Variants in PABIR3 observed in about 807,000 individuals in gnomAD.
The protein encoded by PABIR3 is PABIR family member 1.
In PABIR3, 20 loss-of-function variants were observed where a neutral mutation model predicts 23.1. That is an observed-to-expected ratio of 0.86 (90% CI 0.61 to 1.26). PABIR3 has a LOEUF of 1.26. Ranked by LOEUF, PABIR3 falls within the 50% of genes most tolerant of loss-of-function variation. The pLI, the probability that PABIR3 is intolerant of heterozygous loss-of-function variation, is 0.00. For missense variants in PABIR3, 189 were observed against 195.4 expected (o/e 0.97, Z 0.20); for synonymous variants, 69 against 68.5 (o/e 1.01, Z -0.04).
chrX:134,802,883 G>A (rs925690620), upstream of PABIR3, among the ~76,000 whole-genome samples: 1 of 112,692 alleles, frequency 8.9e-6, no homozygotes, highest in African/African-American at 3.2e-5. Context: ...TCACAGAATC[G>A]TGGGACAGCA....
At chrX:134,848,110 G>T in intron 8 of PABIR3, 139 bp downstream of exon 8, 1 of 544,059 alleles carries the variant, frequency 1.8e-6, no homozygotes, top group Middle Eastern at 6.1e-4. Context: ...CATTGTTTCG[G>T]CTGGGCACGG....
chrX:134,836,598 T>A (rs895436353), intron 4 of PABIR3, among the ~76,000 whole-genome samples: 1 of 111,675 alleles, frequency 9.0e-6, no homozygotes. Flanking sequence ...CGTGTACATG[T>A]GTTTGTTTCT....
upstream of PABIR3, chrX:134,807,068 G>C (rs958030466): frequency 9.3e-6 from 5 of 536,945 alleles, no homozygotes; most frequent in East Asian, 7.0e-4. Flanking sequence ...GCAGGACATG[G>C]GGATAAAGCG....
chrX:134,800,517 C>A (rs1191740874), intron 1 of PABIR3, among the ~76,000 whole-genome samples: 1 of 110,351 alleles, frequency 9.1e-6, no homozygotes, highest in African/African-American at 3.3e-5. Context: ...CTTGGCCAGG[C>A]GTGGTGGCTC....
At chrX:134,847,270 G>A in intron 6 of PABIR3, 113 bp from the exon 7 acceptor site, 4 of 495,268 alleles carry the variant, frequency 8.1e-6, no homozygotes, top group Non-Finnish European at 1.0e-5. Flanking sequence ...CTTCACCATG[G>A]TGCAGCCAGT....
intron 7 of PABIR3, 114 bp from the exon 8 acceptor site, chrX:134,847,769 A>G: frequency 1.8e-6 from 1 of 565,215 alleles, no homozygotes; most frequent in Non-Finnish European, 2.9e-6. Flanking sequence ...TTTCCTAATG[A>G]TCTTTTGTAC....
intron 4 of PABIR3, among the ~76,000 whole-genome samples, chrX:134,840,341 G>C (rs1005223688): frequency 9.3e-6 from 1 of 107,993 alleles, no homozygotes; most frequent in Admixed American, 1.0e-4. Context: ...CGAGAAACAC[G>C]CAAGAATGAT....
At chrX:134,832,548 C>T (rs2081837677) in intron 4 of PABIR3, among the ~76,000 whole-genome samples, 2 of 106,701 alleles carry the variant, frequency 1.9e-5, no homozygotes, top group Admixed American at 2.0e-4. Context: ...TTTATAGGCC[C>T]ACGCCACCAC....
intron 3 of PABIR3, among the ~76,000 whole-genome samples, chrX:134,826,828 A>G (rs2081525085): frequency 8.9e-6 from 1 of 112,411 alleles, no homozygotes. Context: ...TACTTTAAGC[A>G]ACATATAATT....
At chrX:134,802,228 C>A (rs779126679), upstream of PABIR3, among the ~76,000 whole-genome samples, 2 of 111,478 alleles carry the variant, frequency 1.8e-5, no homozygotes, top group Admixed American at 1.9e-4. Flanking sequence ...GGATTACAGG[C>A]ATGCACCACT....
chrX:134,822,250 C>A, intron 3 of PABIR3: 1 of 750,635 alleles, frequency 1.3e-6, no homozygotes, highest in African/African-American at 2.3e-5. Context: ...GTCATTATTT[C>A]TATTTTAATA....
At chrX:134,807,746 G>C in intron 2 of PABIR3, 38 bp downstream of exon 2, 1 of 1,110,782 alleles carries the variant, frequency 9.0e-7, no homozygotes, top group Non-Finnish European at 1.2e-6. Flanking sequence ...GCAAGCGGTG[G>C]GGAGGAGGTG....
intron 3 of PABIR3, among the ~76,000 whole-genome samples, chrX:134,819,072 G>T (rs2081137324): frequency 9.3e-6 from 1 of 107,109 alleles, no homozygotes; most frequent in Non-Finnish European, 1.9e-5. Context: ...GAGTAGCTGG[G>T]ACTACAGGCA....
At position 134,837,143 on chromosome X, in the gene PABIR3, C is replaced by T. The variant is rs181408951; in HGVS notation, c.246+7861C>T. On this transcript the variant is annotated intron_variant, in intron 4 of 10. Coordinates refer to ENST00000645433, the MANE Select transcript of PABIR3 (RefSeq NM_001388447.1). Reference sequence around the variant, plus strand: ...GGTGGATCACCTGAGGTCAGGAGTTCGAGACCAGCCTGACCAACGTGAAGA... The same window carrying T: ...GGTGGATCACCTGAGGTCAGGAGTTTGAGACCAGCCTGACCAACGTGAAGA... 4.6e-3 allele frequency among the ~76,000 whole-genome samples: 509 copies of T among 110,544 alleles called. 1 individual carries two copies. Among genetic ancestry groups the T allele is most frequent in the African/African-American group, 0.014 (438 of 30,421 alleles).
intron 3 of PABIR3, chrX:134,821,548 G>A (rs985634807): frequency 9.7e-5 from 111 of 1,148,788 alleles, no homozygotes; most frequent in Non-Finnish European, 1.2e-4. Flanking sequence ...AAAGGAAGCA[G>A]GGGAAATGTC....
chrX:134,829,284 TAAG>T lies in PABIR3; in HGVS notation c.246+7_246+9del. Reference sequence around the variant, plus strand: ...AGCCGCCTTCATCAAATCAAACAGGTAAGAAGACTTTCCAAACTGACAGCTGTT... The same window carrying T: ...AGCCGCCTTCATCAAATCAAACAGGTAAGACTTTCCAAACTGACAGCTGTT... On this transcript the variant is annotated splice_donor_5th_base_variant and intron_variant, in intron 4 of 10. Transcript: ENST00000645433. 1 of 1,196,722 alleles carries T rather than the reference TAAG, an allele frequency of 8.4e-7. No homozygotes were observed. Among genetic ancestry groups the T allele is most frequent in the African/African-American group, 1.7e-5 (1 of 57,533 alleles).
intron 2 of PABIR3, among the ~76,000 whole-genome samples, chrX:134,812,937 T>C (rs952503209): frequency 2.7e-5 from 3 of 111,838 alleles, no homozygotes; most frequent in African/African-American, 9.7e-5. Flanking sequence ...AATCCGTGCT[T>C]TTAAAAGAGT....
At chrX:134,862,254 G>A in the PABIR3 span, among the ~76,000 whole-genome samples, 8 of 102,250 alleles carry the variant, frequency 7.8e-5, no homozygotes, top group Non-Finnish European at 1.2e-4. Flanking sequence ...GGGTTCAAGC[G>A]ATTCTCCTAC....
intron 4 of PABIR3, among the ~76,000 whole-genome samples, chrX:134,837,759 C>T (rs2082018404): frequency 8.9e-6 from 1 of 112,180 alleles, no homozygotes; most frequent in Non-Finnish European, 1.9e-5. Context: ...AGCTAATGCT[C>T]CAACTTTCAG....
Sources: allele counts gnomAD v4.1 joint callset (sites outside exome capture counted in the v4.1 genomes callset), GRCh38; gene constraint gnomAD v4.1.1; transcripts MANE v1.5; gene names NCBI Gene and HGNC (gene_info 2026-07-23, HGNC 2026-07-21).